MAD1L1: variants seen among roughly 807,000 people sequenced by gnomAD.
MAD1L1 encodes the protein mitotic spindle assembly checkpoint protein MAD1.
A neutral mutation model predicts 96.9 loss-of-function variants in MAD1L1; 95 were observed. The observed-to-expected ratio is 0.98, with a 90% CI of 0.83 to 1.16. The LOEUF is 1.16. MAD1L1 is among the 50% of genes most tolerant of loss of function. MAD1L1 has a pLI of 0.00. For synonymous variants in MAD1L1, 473 were observed against 396.6 expected, an observed-to-expected ratio of 1.19 and a Z score of -2.29; for missense variants, 1,007 against 954.4, an observed-to-expected ratio of 1.06 and a Z score of -0.73.
At chr7:1,918,769 G>C (rs1449782025) in intron 17 of MAD1L1, among the ~76,000 whole-genome samples, 1 of 152,218 alleles carries the variant, frequency 6.6e-6, no homozygotes, top group Non-Finnish European at 1.5e-5. Context: ...ACTGTGCTCT[G>C]AGGCCACTGC....
At chr7:1,838,515 C>T (rs1783054327) in intron 18 of MAD1L1, 1 of 330,522 alleles carries the variant, frequency 3.0e-6, no homozygotes, top group Admixed American at 3.8e-5. Context: ...AATGGAGCGT[C>T]AGCACGTGGT....
chr7:2,039,912 A>C (rs1294463417), intron 12 of MAD1L1, among the ~76,000 whole-genome samples: 1 of 152,170 alleles, frequency 6.6e-6, no homozygotes, highest in Non-Finnish European at 1.5e-5. Flanking sequence ...GAAATAATAA[A>C]TATTAGAGCA....
chr7:2,176,848 A>C (rs1190828862), intron 10 of MAD1L1, among the ~76,000 whole-genome samples: 1 of 152,252 alleles, frequency 6.6e-6, no homozygotes, highest in Admixed American at 6.5e-5. Flanking sequence ...ATCATCAATA[A>C]TACAAAATTC....
intron 16 of MAD1L1, among the ~76,000 whole-genome samples, chr7:1,952,626 G>A (rs1433781747): frequency 2.0e-5 from 3 of 152,190 alleles, no homozygotes; most frequent in Non-Finnish European, 4.4e-5. Flanking sequence ...GGCTGGGCTG[G>A]TGAGCATGGA....
At chr7:1,919,895 G>A (rs1423445921) in intron 17 of MAD1L1, among the ~76,000 whole-genome samples, 1 of 152,212 alleles carries the variant, frequency 6.6e-6, no homozygotes, top group African/African-American at 2.4e-5. Flanking sequence ...TCTGGGGAGG[G>A]AGCTGAAGTT....
At position 1,847,330 on chromosome 7, in the gene MAD1L1, T is replaced by C. The variant is rs535858237; in HGVS notation, c.1999-31102A>G. The C allele has an allele frequency of 1.5e-4, 71 of 471,076 alleles. 2 individuals carry two copies. Among genetic ancestry groups the C allele is most frequent in the South Asian group, 1.1e-3 (69 of 64,574 alleles). The allele number at this position is 471,076 out of a possible 1,614,324, so 29.2% of individuals were successfully genotyped here. On this transcript the variant is annotated intron_variant, in intron 18 of 18. Coordinates refer to ENST00000265854, the MANE Select transcript of MAD1L1 (RefSeq NM_001013836.2). ...GGATTACAGAGCAGCAAACCAGGCATGGCAGGCGGTGCTCGCGGAGGTACC... is the reference window on the plus strand; with the variant it reads ...GGATTACAGAGCAGCAAACCAGGCACGGCAGGCGGTGCTCGCGGAGGTACC...
At chr7:1,964,151 C>A (rs1387117783) in intron 15 of MAD1L1, among the ~76,000 whole-genome samples, 1 of 152,164 alleles carries the variant, frequency 6.6e-6, no homozygotes, top group African/African-American at 2.4e-5. Flanking sequence ...CCCAGGGCTT[C>A]ATAGGGGAGT....
intron 10 of MAD1L1, among the ~76,000 whole-genome samples, chr7:2,203,182 G>C (rs551770792): frequency 1.3e-5 from 2 of 152,360 alleles, no homozygotes; most frequent in South Asian, 4.1e-4. Context: ...GCGGCATCTT[G>C]GCCACGAGCA....
At chr7:2,037,883 C>A (rs143307063) in intron 12 of MAD1L1, among the ~76,000 whole-genome samples, 1 of 152,132 alleles carries the variant, frequency 6.6e-6, no homozygotes, top group Non-Finnish European at 1.5e-5. Flanking sequence ...AAGGAAGAGT[C>A]GCATGTCTCT....
At chr7:1,854,001 A>G (rs919635106) in intron 18 of MAD1L1, among the ~76,000 whole-genome samples, 2 of 152,292 alleles carry the variant, frequency 1.3e-5, no homozygotes, top group African/African-American at 4.8e-5. Context: ...CGCCATTCTC[A>G]TGCCGTGCAC....
chr7:1,952,604 A>G (rs370474914), intron 16 of MAD1L1, among the ~76,000 whole-genome samples: 1 of 152,110 alleles, frequency 6.6e-6, no homozygotes, highest in African/African-American at 2.4e-5. Context: ...TGGCTCACGC[A>G]TGGGAGGGGA....
intron 18 of MAD1L1, among the ~76,000 whole-genome samples, chr7:1,871,465 T>C (rs1785092741): frequency 8.3e-6 from 1 of 120,700 alleles, no homozygotes; most frequent in Non-Finnish European, 1.7e-5. Context: ...GAACCCAACA[T>C]ATGCCTGCCA....
chr7:1,872,539 C>G (rs1420311891), intron 18 of MAD1L1: 6 of 152,330 alleles, frequency 3.9e-5, no homozygotes, highest in African/African-American at 1.4e-4. Context: ...CTGGGCTCAG[C>G]TGAACGAGAG....
intron 15 of MAD1L1, among the ~76,000 whole-genome samples, chr7:1,974,241 C>T (rs931614307): frequency 6.6e-6 from 1 of 152,190 alleles, no homozygotes; most frequent in African/African-American, 2.4e-5. Context: ...CCCAAGGGCT[C>T]CCCAGTGGAA....
At chr7:1,846,931 T>C (rs1248238341) in intron 18 of MAD1L1, 1 of 315,692 alleles carries the variant, frequency 3.2e-6, no homozygotes, top group Non-Finnish European at 6.1e-6. Flanking sequence ...TTGAATGGTA[T>C]CACGGGAGGT....
chr7:2,123,731 G>A (rs1164206687), intron 11 of MAD1L1, among the ~76,000 whole-genome samples: 6 of 152,214 alleles, frequency 3.9e-5, no homozygotes, highest in Admixed American at 2.0e-4. Flanking sequence ...GCGCTGAATC[G>A]ATAGATCCTC....
chr7:2,067,243 C>G (rs1784918489), intron 12 of MAD1L1, among the ~76,000 whole-genome samples: 1 of 151,194 alleles, frequency 6.6e-6, no homozygotes, highest in Non-Finnish European at 1.5e-5. Context: ...CCGGGGTCAT[C>G]AGGCCACGTT....
chr7:2,106,666 G>A (rs549419817), intron 11 of MAD1L1, among the ~76,000 whole-genome samples: 2 of 152,330 alleles, frequency 1.3e-5, no homozygotes, highest in South Asian at 2.1e-4. Flanking sequence ...GGCCCATCCC[G>A]CAAAAGACGC....
At chr7:2,031,197 T>C (rs941518143) in intron 12 of MAD1L1, among the ~76,000 whole-genome samples, 8 of 152,118 alleles carry the variant, frequency 5.3e-5, no homozygotes, top group Non-Finnish European at 1.0e-4. Context: ...CTCCCACTAC[T>C]CACCCCTCTG....
Sources: gnomAD v4.1 joint callset for allele counts (sites outside exome capture counted in the v4.1 genomes callset) on GRCh38, gnomAD v4.1.1 for gene constraint, MANE v1.5 for transcripts, NCBI Gene and HGNC (gene_info 2026-07-23, HGNC 2026-07-21) for gene names.